Variants in ZNF423 observed in about 807,000 individuals in gnomAD.
The protein encoded by ZNF423 is Ebf-associated zinc finger protein.
ZNF423 carries 12 observed loss-of-function variants against 95.8 expected under a neutral mutation model. The ratio of observed to expected loss-of-function variants is 0.13; its 90% CI spans 0.08 to 0.20. The LOEUF (loss-of-function observed/expected upper bound fraction) is 0.20, where lower values mean the gene tolerates loss of function less well. ZNF423 is among the 10% of genes least tolerant of loss of function. The pLI, the probability that ZNF423 is intolerant of heterozygous loss-of-function variation, is 1.00. For synonymous variants in ZNF423, 749 were observed against 711.9 expected, an observed-to-expected ratio of 1.05 and a Z score of -0.83; for missense variants, 1,316 against 1,737.1, an observed-to-expected ratio of 0.76 and a Z score of 4.31.
intron 5 of ZNF423, among the ~76,000 whole-genome samples, chr16:49,557,564 G>A (rs896544238): frequency 2.6e-5 from 4 of 152,224 alleles, no homozygotes; most frequent in South Asian, 2.1e-4. Context: ...ACGATGGCAT[G>A]GCTGCAGGCC....
At chr16:49,527,747 T>A (rs1453540215) in intron 5 of ZNF423, among the ~76,000 whole-genome samples, 1 of 152,174 alleles carries the variant, frequency 6.6e-6, no homozygotes, top group Non-Finnish European at 1.5e-5. Flanking sequence ...GACCATTTAC[T>A]CAAGTAACAC....
At chr16:49,546,444 G>C (rs1310824269) in intron 5 of ZNF423, among the ~76,000 whole-genome samples, 1 of 152,158 alleles carries the variant, frequency 6.6e-6, no homozygotes, top group African/African-American at 2.4e-5. Flanking sequence ...GGAGGAGGTA[G>C]GATTTGATAA....
intron 3 of ZNF423, among the ~76,000 whole-genome samples, chr16:49,693,410 A>G (rs929237797): frequency 2.0e-5 from 3 of 152,330 alleles, no homozygotes; most frequent in East Asian, 3.9e-4. Context: ...ACCCACAGTC[A>G]GGCTCCTGGT....
chr16:49,759,773 T>C (rs2033793617), intron 2 of ZNF423, among the ~76,000 whole-genome samples: 1 of 152,134 alleles, frequency 6.6e-6, no homozygotes. Flanking sequence ...AAGTGTAAAG[T>C]CCTTTTTTGT....
intron 2 of ZNF423, among the ~76,000 whole-genome samples, chr16:49,751,238 A>G (rs1216776104): frequency 6.6e-6 from 1 of 152,172 alleles, no homozygotes; most frequent in African/African-American, 2.4e-5. Flanking sequence ...TTGTTGTTGT[A>G]TGAGACAGGG....
At chr16:49,750,175 G>T (rs1199653763) in intron 2 of ZNF423, among the ~76,000 whole-genome samples, 4 of 152,222 alleles carry the variant, frequency 2.6e-5, no homozygotes, top group African/African-American at 7.2e-5. Context: ...CCAGTGATCT[G>T]GGGAAAAGTT....
intron 3 of ZNF423, among the ~76,000 whole-genome samples, chr16:49,650,156 A>C (rs1450892377): frequency 6.6e-6 from 1 of 152,226 alleles, no homozygotes; most frequent in Non-Finnish European, 1.5e-5. Context: ...AGCTGCCACC[A>C]AGGCCCTTAA....
intron 2 of ZNF423, among the ~76,000 whole-genome samples, chr16:49,739,698 T>A (rs958335843): frequency 1.8e-4 from 2 of 11,362 alleles, no homozygotes; most frequent in African/African-American, 9.1e-4. Flanking sequence ...TTTGTTTGGT[T>A]TTTTTTTTTT....
intron 5 of ZNF423, among the ~76,000 whole-genome samples, chr16:49,614,898 T>A (rs1410206957): frequency 6.6e-6 from 1 of 152,146 alleles, no homozygotes; most frequent in African/African-American, 2.4e-5. Context: ...TGGGAGGCTC[T>A]GGCGGGTGTA....
chr16:49,617,932 C>G (rs933050377), intron 5 of ZNF423, among the ~76,000 whole-genome samples: 1 of 152,308 alleles, frequency 6.6e-6, no homozygotes, highest in African/African-American at 2.4e-5. Context: ...GCTCCTTCAG[C>G]ACCAACCACC....
chr16:49,677,768 AAGAGAG>A (rs371974425), intron 3 of ZNF423, among the ~76,000 whole-genome samples: 30 of 147,744 alleles, frequency 2.0e-4, no homozygotes, highest in African/African-American at 4.1e-4. Context: ...AAAAAAAAAA[AAGAGAG>A]AGAGAGAGAG....
At chr16:49,546,675 A>T (rs1369795489) in intron 5 of ZNF423, among the ~76,000 whole-genome samples, 1 of 152,232 alleles carries the variant, frequency 6.6e-6, no homozygotes, top group Non-Finnish European at 1.5e-5. Flanking sequence ...TCGAGATGTC[A>T]TCAGGGGGCA....
At chr16:49,714,381 G>A (rs2032639384) in intron 3 of ZNF423, among the ~76,000 whole-genome samples, 2 of 152,318 alleles carry the variant, frequency 1.3e-5, no homozygotes, top group South Asian at 4.1e-4. Flanking sequence ...ATGGGGCCAG[G>A]TGCGGTGGCT....
intron 3 of ZNF423, among the ~76,000 whole-genome samples, chr16:49,724,806 GAAACAC>G (rs2143308085): frequency 6.6e-6 from 1 of 152,306 alleles, no homozygotes; most frequent in South Asian, 2.1e-4. Context: ...AGGGGCCAGG[GAAACAC>G]TCTTTGGTCC....
chr16:49,686,336 A>C (rs2031563092), intron 3 of ZNF423, among the ~76,000 whole-genome samples: 1 of 152,100 alleles, frequency 6.6e-6, no homozygotes, highest in African/African-American at 2.4e-5. Flanking sequence ...GCATCATCCA[A>C]AGTGCAAGGC....
chr16:49,706,577 G>A (rs1174806984), intron 3 of ZNF423, among the ~76,000 whole-genome samples: 3 of 152,266 alleles, frequency 2.0e-5, no homozygotes, highest in Admixed American at 6.5e-5. Flanking sequence ...TGGTGGGATG[G>A]CTGCCACCAA....
chr16:49,609,040 T>G (rs1360226087), intron 5 of ZNF423, among the ~76,000 whole-genome samples: 2 of 152,134 alleles, frequency 1.3e-5, no homozygotes, highest in Non-Finnish European at 2.9e-5. Context: ...TGGACTCCCC[T>G]CCTACCTAAC....
rs1174968211 is a variant in ZNF423 at position 49,489,706 on chromosome 16, C to A, written c.*1569G>T. On this transcript the variant is annotated 3_prime_UTR_variant, in exon 8 of 8. Transcript: ENST00000563137. ...TTATAATTAGGTGCAATCTGTCTGC[C>A]TGTTTCATTTCCGCTCTGCAGAGGG... 1 of 152,228 alleles carries A rather than the reference C, an allele frequency of 6.6e-6. No homozygotes were observed. Among genetic ancestry groups the A allele is most frequent in the East Asian group, 1.9e-4 (1 of 5,192 alleles). 9.4% of individuals were successfully genotyped at this position (152,228 alleles called of 1,614,324 possible). A position where few individuals can be genotyped will look rare whatever the true frequency, so the allele number is the denominator to read the frequency against.
intron 5 of ZNF423, among the ~76,000 whole-genome samples, chr16:49,536,454 T>G (rs937774890): frequency 2.1e-4 from 32 of 151,576 alleles, no homozygotes; most frequent in African/African-American, 7.0e-4. Flanking sequence ...TTTTTTGGTT[T>G]TTTTTCTGGG....
Sources: allele counts gnomAD v4.1 joint callset (sites outside exome capture counted in the v4.1 genomes callset), GRCh38; gene constraint gnomAD v4.1.1; transcripts MANE v1.5; gene names NCBI Gene and HGNC (gene_info 2026-07-23, HGNC 2026-07-21).